WDR72: variants seen among roughly 807,000 people sequenced by gnomAD.
WDR72 encodes the protein WD repeat-containing protein 72.
WDR72 carries 120 observed loss-of-function variants against 124.2 expected under a neutral mutation model. That is an observed-to-expected ratio of 0.97 (90% CI 0.83 to 1.12). The LOEUF is 1.12. Ranked by LOEUF, WDR72 falls within the 50% of genes most tolerant of loss-of-function variation. The probability of loss-of-function intolerance (pLI) is 0.00; values close to 1 mark genes in which losing one functional copy is unlikely to be tolerated. For missense variants in WDR72, 1,387 were observed against 1,278.8 expected, an observed-to-expected ratio of 1.08 and a Z score of -1.29; for synonymous variants, 452 against 441.7, an observed-to-expected ratio of 1.02 and a Z score of -0.29.
rs577539233 is a variant in WDR72, at chr15:53,631,104, G to C, written c.1963-14861C>G. Among the ~76,000 whole-genome samples the C allele has an allele frequency of 9.9e-5, 15 of 152,236 alleles. No individual in the cohort carries two copies. The East Asian group carries it at 2.9e-3, about 29-fold the overall frequency. ...TGTTGAAGTATAATCCCCAATGCTG[G>C]AGGTGGTGCCTGGTGAGAACTGATT... is the stretch of plus-strand genomic sequence containing the variant. On this transcript the variant is annotated intron_variant, in intron 14 of 19. Coordinates refer to ENST00000360509, the MANE Select transcript of WDR72 (RefSeq NM_182758.4).
chr15:53,521,061 A>G (rs951872821), intron 19 of WDR72, among the ~76,000 whole-genome samples: 2 of 152,110 alleles, frequency 1.3e-5, no homozygotes, highest in African/African-American at 2.4e-5. Flanking sequence ...TGGAAGGCTG[A>G]CAGCTGTGTC....
intron 17 of WDR72, among the ~76,000 whole-genome samples, chr15:53,599,050 G>T (rs970138589): frequency 2.6e-5 from 4 of 151,936 alleles, no homozygotes; most frequent in Non-Finnish European, 5.9e-5. Flanking sequence ...CTTGAACCCA[G>T]GAGGCAGAGG....
intron 18 of WDR72, among the ~76,000 whole-genome samples, chr15:53,594,687 GA>G (rs2012683305): frequency 6.7e-6 from 1 of 148,910 alleles, no homozygotes; most frequent in South Asian, 2.1e-4. Context: ...AGCTACTCAA[GA>G]AGCTGACGCA....
chr15:53,517,709 T>C lies in WDR72; in HGVS notation c.3299A>G (p.Lys1100Arg). 6.2e-7 allele frequency: 1 copy of C among 1,612,938 alleles called. No homozygotes were observed. The highest frequency in any genetic ancestry group is 1.1e-5 in the South Asian group (1 of 91,062). ...HSWIAKVCPC[K>R]VS ...CTGATGAGATTCCATTTAAGACACC[T>C]TGCAGGGGCAGACCTTTGCTATCCA... is the stretch of plus-strand genomic sequence containing the variant. The change falls in exon 20 of 20, where the codon AAG becomes AGG. Residue 1100 changes from lysine to arginine, a missense_variant. Coordinates refer to ENST00000360509, the MANE Select transcript of WDR72 (RefSeq NM_182758.4).
chr15:53,756,540 T>C (rs947881124), intron 1 of WDR72: 6 of 152,176 alleles, frequency 3.9e-5, no homozygotes, highest in African/African-American at 1.4e-4. Flanking sequence ...CTGTACTCGC[T>C]TATTGTTTTA....
At chr15:53,660,191 TTTA>T (rs1351489451) in intron 14 of WDR72, among the ~76,000 whole-genome samples, 1 of 151,080 alleles carries the variant, frequency 6.6e-6, no homozygotes, top group African/African-American at 2.5e-5. Flanking sequence ...TATAATGCAA[TTTA>T]TTGTTTTAAA....
intron 18 of WDR72, among the ~76,000 whole-genome samples, chr15:53,545,205 G>C (rs976677177): frequency 6.6e-6 from 1 of 151,278 alleles, no homozygotes; most frequent in Non-Finnish European, 1.5e-5. Flanking sequence ...GCATCGCCAC[G>C]GGAATCCTAA....
intron 18 of WDR72, among the ~76,000 whole-genome samples, chr15:53,578,754 C>T (rs1015284452): frequency 6.6e-6 from 1 of 152,028 alleles, no homozygotes; most frequent in Admixed American, 6.6e-5. Flanking sequence ...AACAAACAAA[C>T]AAACAAACAA....
chr15:53,580,090 A>T (rs1248594177), intron 18 of WDR72, among the ~76,000 whole-genome samples: 1 of 152,064 alleles, frequency 6.6e-6, no homozygotes, highest in Non-Finnish European at 1.5e-5. Context: ...ACATGTCTGG[A>T]GTACTTATTG....
intron 2 of WDR72, among the ~76,000 whole-genome samples, chr15:53,725,362 C>A (rs1038796343): frequency 2.6e-5 from 4 of 152,092 alleles, no homozygotes; most frequent in African/African-American, 9.7e-5. Flanking sequence ...AGTGAGAATG[C>A]AAAATAGGAC....
chr15:53,730,896 A>AT (rs1269673083), intron 2 of WDR72, among the ~76,000 whole-genome samples: 1 of 152,004 alleles, frequency 6.6e-6, no homozygotes, highest in Non-Finnish European at 1.5e-5. Flanking sequence ...AGTGCCCTTG[A>AT]TTTTTTTCAG....
intron 2 of WDR72, among the ~76,000 whole-genome samples, chr15:53,731,969 T>A (rs1378236016): frequency 1.3e-5 from 2 of 152,212 alleles, no homozygotes; most frequent in African/African-American, 4.8e-5. Flanking sequence ...CAGAAAATAA[T>A]ACACTTAAAC....
intron 13 of WDR72, among the ~76,000 whole-genome samples, chr15:53,672,557 G>GATCTGATCT (rs1171579197): frequency 3.3e-5 from 5 of 152,094 alleles, no homozygotes; most frequent in Non-Finnish European, 7.3e-5. Flanking sequence ...CCGGTTATGA[G>GATCTGATCT]ATCTGATCTT....
At chr15:53,614,931 T>C (rs1364267730) in intron 15 of WDR72, among the ~76,000 whole-genome samples, 3 of 152,070 alleles carry the variant, frequency 2.0e-5, no homozygotes, top group Admixed American at 2.0e-4. Flanking sequence ...TCTATTTTAA[T>C]ATGCCAAAAT....
intron 13 of WDR72, among the ~76,000 whole-genome samples, chr15:53,668,638 T>C (rs924681451): frequency 6.6e-6 from 1 of 152,082 alleles, no homozygotes; most frequent in African/African-American, 2.4e-5. Flanking sequence ...GCTCATCCCA[T>C]CCTAACTGTA....
At chr15:53,592,519 T>C (rs1370042107) in intron 18 of WDR72, among the ~76,000 whole-genome samples, 2 of 152,142 alleles carry the variant, frequency 1.3e-5, no homozygotes, top group Non-Finnish European at 2.9e-5. Context: ...AATAAATGCA[T>C]GGTTTTATTT....
chr15:53,557,764 G>C (rs1893984152), intron 18 of WDR72, among the ~76,000 whole-genome samples: 1 of 152,042 alleles, frequency 6.6e-6, no homozygotes, highest in African/African-American at 2.4e-5. Flanking sequence ...TGATTTAATA[G>C]CATCTAAGGT....
chr15:53,713,284 G>T (rs559305336), intron 6 of WDR72, among the ~76,000 whole-genome samples: 7 of 151,216 alleles, frequency 4.6e-5, no homozygotes, highest in Non-Finnish European at 1.0e-4. Context: ...GGGAACTACG[G>T]CTGGATGCTG....
intron 2 of WDR72, among the ~76,000 whole-genome samples, chr15:53,726,748 G>A (rs1595876861): frequency 1.3e-5 from 2 of 152,066 alleles, no homozygotes; most frequent in African/African-American, 2.4e-5. Context: ...GGAGGCTAAG[G>A]TGGAAGAATC....
Sources: gnomAD v4.1 joint callset for allele counts (sites outside exome capture counted in the v4.1 genomes callset) on GRCh38, gnomAD v4.1.1 for gene constraint, MANE v1.5 for transcripts, NCBI Gene and HGNC (gene_info 2026-07-23, HGNC 2026-07-21) for gene names.